The following MICAL3 variants were observed in gnomAD, a reference collection of about 807,000 sequenced individuals.
MICAL3 encodes the protein [F-actin]-monooxygenase MICAL3.
A neutral mutation model predicts 207.4 loss-of-function variants in MICAL3; 62 were observed. The observed-to-expected ratio is 0.30, with a 90% CI of 0.24 to 0.37. The LOEUF (loss-of-function observed/expected upper bound fraction) is 0.37. Among genes scored for constraint, MICAL3 ranks in the 10% least tolerant of loss-of-function variants. The pLI, the probability that MICAL3 is intolerant of heterozygous loss-of-function variation, is 1.00. For missense variants in MICAL3, 2,368 were observed against 2,635.6 expected (o/e 0.90, Z 2.22); for synonymous variants, 1,077 against 1,069.3 (o/e 1.01, Z -0.14).
At chr22:17,950,349 T>TG (rs1003132289) in intron 1 of MICAL3, among the ~76,000 whole-genome samples, 7 of 146,784 alleles carry the variant, frequency 4.8e-5, no homozygotes, top group African/African-American at 1.3e-4. Context: ...TTTTTTTTTT[T>TG]TTTTTTTTTT....
At chr22:17,823,243 G>A (rs773303563) in intron 22 of MICAL3, among the ~76,000 whole-genome samples, 183 bp from the exon 23 acceptor site, 13 of 152,224 alleles carry the variant, frequency 8.5e-5, no homozygotes, top group Non-Finnish European at 1.9e-4. Context: ...GGGGCCCGGG[G>A]CCCCCAAACA....
intron 1 of MICAL3, among the ~76,000 whole-genome samples, chr22:17,959,579 T>C (rs1193283045): frequency 6.6e-6 from 1 of 152,094 alleles, no homozygotes; most frequent in African/African-American, 2.4e-5. Context: ...CCTCCCAAAG[T>C]GCTGGGATTA....
rs1932754985 is a variant in MICAL3, at chr22:17,919,720, C to T, written c.-74-12834G>A. 2.6e-5 allele frequency among the ~76,000 whole-genome samples: 4 copies of T among 152,186 alleles called. 1 individual carries two copies. The South Asian group carries it at 8.3e-4, about 32-fold the overall frequency. ...ACCTGCCCTTTTTCCATGACCACGA[C>T]CAGCCCTGGACCTGGCTCACACAGG... is the stretch of plus-strand genomic sequence containing the variant. On this transcript the variant is annotated intron_variant, in intron 1 of 31. Coordinates refer to ENST00000441493, the MANE Select transcript of MICAL3 (RefSeq NM_015241.3).
At chr22:17,876,955 TGGAGGTTAG>T (rs1928577678) in intron 16 of MICAL3, 2 of 13,158 alleles carry the variant, frequency 1.5e-4, no homozygotes, top group African/African-American at 5.3e-4. Context: ...ATGGAGGTTA[TGGAGGTTAG>T]GGAGGTTATG....
At chr22:17,826,356 A>G in intron 22 of MICAL3, 1 of 674,300 alleles carries the variant, frequency 1.5e-6, no homozygotes. Flanking sequence ...CCTGGCATGC[A>G]CTTGCAACAG....
chr22:17,856,986 A>C (rs1200144301), intron 19 of MICAL3, among the ~76,000 whole-genome samples: 1 of 152,182 alleles, frequency 6.6e-6, no homozygotes, highest in Non-Finnish European at 1.5e-5. Context: ...TAGGAAAGAA[A>C]TTTTATAGCT....
intron 29 of MICAL3, among the ~76,000 whole-genome samples, chr22:17,797,666 T>A (rs1007422121): frequency 6.6e-6 from 1 of 152,232 alleles, no homozygotes; most frequent in Non-Finnish European, 1.5e-5. Flanking sequence ...CACTGGCTTC[T>A]ACATGGATGC....
In MICAL3 at chr22:17,864,970, A is replaced by G. The variant is rs1000315723; in HGVS notation, c.2534T>C (p.Leu845Pro). ...TGCATCTGTGGTGGCGCCATCCTGC[A>G]GGGGTCCTTTGGCCTCCTAGGAAAG... ...PLSGKEAKGP[L>P]QDGATTDANG... The change falls in exon 19 of 32, where the codon CTG becomes CCG. Residue 845 changes from leucine (L) to proline (P), a missense_variant. Physicochemically the swap from Leu to Pro is moderately conservative, Grantham distance 98 (BLOSUM62 -3). This residue lies in a region of MICAL3 where 1,770 missense variants were observed against 1,863.2 expected (regional missense o/e 0.95). Transcript: ENST00000441493. 7 of 1,607,394 alleles carry G rather than the reference A, an allele frequency of 4.4e-6. No individual in the cohort carries two copies. The highest frequency in any genetic ancestry group is 3.3e-5 in the Admixed American group (2 of 59,868).
At chr22:17,965,183 C>CAAAAAAAA (rs370246938) in intron 1 of MICAL3, among the ~76,000 whole-genome samples, 1 of 105,642 alleles carries the variant, frequency 9.5e-6, no homozygotes, top group Admixed American at 1.0e-4. Context: ...ACCCCGTCTC[C>CAAAAAAAA]AAAAAAAAAA....
At chr22:17,982,038 GAGGTTAC>G (rs1330064707) in intron 1 of MICAL3, among the ~76,000 whole-genome samples, 1 of 152,018 alleles carries the variant, frequency 6.6e-6, no homozygotes, top group East Asian at 1.9e-4. Flanking sequence ...CTGGGAAGTC[GAGGTTAC>G]AGTGAGCCGA....
Position 17,788,716 on chromosome 22 carries a change from G to A in MICAL3, c.*2016C>T, listed in dbSNP as rs954010907. 13 of 152,276 alleles carry A rather than the reference G, an allele frequency of 8.5e-5. No homozygotes were observed. The highest frequency in any genetic ancestry group is 4.1e-4 in the South Asian group (2 of 4,832). The allele number at this position is 152,276 out of a possible 1,614,324, so 9.4% of individuals were successfully genotyped here. ...CAGCGCTGTGGCGGCCACTAGCGGC[G>A]TTATCTCCCGGATGTGCATGGGAGA... is the stretch of plus-strand genomic sequence containing the variant. On this transcript the variant is annotated 3_prime_UTR_variant, in exon 32 of 32. Transcript: ENST00000441493.
intron 19 of MICAL3, among the ~76,000 whole-genome samples, chr22:17,849,697 T>G (rs1315901980): frequency 1.7e-4 from 23 of 137,518 alleles, no homozygotes; most frequent in Admixed American, 1.4e-3. Flanking sequence ...TATTTTTTTT[T>G]TTTTTTTTTT....
rs2061809661 is a variant in MICAL3, at chr22:17,789,593, TGAG to T, written c.*1136_*1138del. 1 of 152,226 alleles carries T rather than the reference TGAG, an allele frequency of 6.6e-6. No individual in the cohort carries two copies. The allele number at this position is 152,226 out of a possible 1,614,324, so 9.4% of individuals were successfully genotyped here. A position where few individuals can be genotyped will look rare whatever the true frequency, so the allele number is the denominator to read the frequency against. On this transcript the variant is annotated 3_prime_UTR_variant, in exon 32 of 32. Transcript: ENST00000441493. ...GGGTGGAGGAGGGGACAGAAAGCTG[TGAG>T]GAGGACCCACACAGGGGTTCTGGGC...
At chr22:17,810,097 G>A (rs1403349834) in intron 28 of MICAL3, among the ~76,000 whole-genome samples, 1 of 132,268 alleles carries the variant, frequency 7.6e-6, no homozygotes, top group East Asian at 2.2e-4. Context: ...GAGTCTCTCT[G>A]TGTCGCCTAG....
chr22:17,796,013 GT>G lies in MICAL3; in HGVS notation c.5651-4713del, dbSNP rs1159164736. ...GCTGTCAAGCTTCTGGCAAATGGAA[GT>G]TTTTTGGTTTTTCTCAACATCAGGG... On this transcript the variant is annotated intron_variant, in intron 29 of 31. Coordinates refer to ENST00000441493, the MANE Select transcript of MICAL3 (RefSeq NM_015241.3). The surrounding 1 kb of genome is among the most constrained non-coding windows in gnomAD (Gnocchi z 4.4). Among the ~76,000 whole-genome samples the G allele has an allele frequency of 1.3e-5, 2 of 152,192 alleles. No individual in the cohort carries two copies. Among genetic ancestry groups the G allele is most frequent in the Non-Finnish European group, 2.9e-5 (2 of 68,030 alleles).
chr22:17,809,541 G>A (rs1260664698), intron 28 of MICAL3, among the ~76,000 whole-genome samples: 2 of 152,246 alleles, frequency 1.3e-5, no homozygotes, highest in African/African-American at 4.8e-5. Context: ...GGCTGAGGCA[G>A]GAGAATCGCT....
At chr22:17,918,237 T>C (rs986433545) in intron 1 of MICAL3, among the ~76,000 whole-genome samples, 3 of 151,988 alleles carry the variant, frequency 2.0e-5, no homozygotes, top group African/African-American at 7.3e-5. Flanking sequence ...GCTACGATCA[T>C]GCCACTGCAC....
intron 19 of MICAL3, chr22:17,858,558 C>A: frequency 1.6e-6 from 1 of 644,874 alleles, no homozygotes; most frequent in Non-Finnish European, 1.9e-6. Flanking sequence ...GGGTCCTATA[C>A]GGCATCATCC....
intron 1 of MICAL3, among the ~76,000 whole-genome samples, chr22:18,011,833 A>G (rs1446131598): frequency 6.6e-6 from 1 of 151,300 alleles, no homozygotes; most frequent in Admixed American, 6.6e-5. Context: ...TGGAGCTTGC[A>G]GTGAGCCGAG....
Sources: allele counts gnomAD v4.1 joint callset (sites outside exome capture counted in the v4.1 genomes callset), GRCh38; gene constraint gnomAD v4.1.1; regional missense constraint gnomAD v4.1.1; non-coding constraint Gnocchi (gnomAD v3.1); transcripts MANE v1.5; gene names NCBI Gene and HGNC (gene_info 2026-07-23, HGNC 2026-07-21).